TAPT1: variants seen among roughly 807,000 people sequenced by gnomAD.
The protein encoded by TAPT1 is transmembrane anterior posterior transformation 1, also known as transmembrane anterior posterior transformation protein 1 homolog.
In TAPT1, 28 loss-of-function variants were observed where a neutral mutation model predicts 65.6. That is an observed-to-expected ratio of 0.43 (90% CI 0.32 to 0.59). The LOEUF is 0.59. Among genes scored for constraint, TAPT1 ranks in the 20% least tolerant of loss-of-function variants. TAPT1 has a pLI of 0.09. For synonymous variants in TAPT1, 278 were observed against 245.2 expected (o/e 1.13, Z -1.25); for missense variants, 563 against 679.9 (o/e 0.83, Z 1.91).
chr4:16,214,277 G>A (rs1021207656), intron 1 of TAPT1, among the ~76,000 whole-genome samples: 13 of 152,132 alleles, frequency 8.5e-5, no homozygotes, highest in Admixed American at 5.9e-4. Flanking sequence ...TCAAAAGGGA[G>A]CAAAGTCACA....
At chr4:16,171,788 A>G (rs1285861616) in intron 11 of TAPT1, among the ~76,000 whole-genome samples, 1 of 152,228 alleles carries the variant, frequency 6.6e-6, no homozygotes, top group Admixed American at 6.5e-5. Context: ...AAGGCAAACC[A>G]ATGATCACAT....
At chr4:16,225,112 T>C (rs1199187046) in intron 1 of TAPT1, among the ~76,000 whole-genome samples, 14 of 152,226 alleles carry the variant, frequency 9.2e-5, no homozygotes, top group Admixed American at 9.2e-4. Flanking sequence ...AAATAAAGTA[T>C]GGTTGAGAAT....
rs1018180413 is a variant in TAPT1 at position 16,164,742 on chromosome 4, T to C, written c.1475-1205A>G. Among the ~76,000 whole-genome samples, 3 of 152,264 alleles carry C rather than the reference T, an allele frequency of 2.0e-5. No homozygotes were observed. In the East Asian group the frequency reaches 5.8e-4, roughly 29 times the overall value. On this transcript the variant is annotated intron_variant, in intron 13 of 13. Coordinates refer to ENST00000405303, the MANE Select transcript of TAPT1 (RefSeq NM_153365.3). ...TGCCACTATGCCTAGCCTAACTTCT[T>C]AACTAATATGCGTAACAAGAGAACA...
chr4:16,172,468 T>C (rs1411630176), intron 11 of TAPT1, among the ~76,000 whole-genome samples: 1 of 152,122 alleles, frequency 6.6e-6, no homozygotes, highest in African/African-American at 2.4e-5. Context: ...TATCAATCTC[T>C]TAAGCCTTTA....
rs370342190 is a variant in TAPT1 at position 16,196,232 on chromosome 4, G to A, written c.450-4709C>T. Among the ~76,000 whole-genome samples the A allele has an allele frequency of 2.6e-5, 4 of 152,046 alleles. No individual in the cohort carries two copies. The South Asian group carries it at 6.2e-4, about 24-fold the overall frequency. Reference sequence around the variant, plus strand: ...GTAACAGAAAAATAAATACTTAAACGGAATGATTCAAACCATTTCTTAAAC... The same window carrying A: ...GTAACAGAAAAATAAATACTTAAACAGAATGATTCAAACCATTTCTTAAAC... On this transcript the variant is annotated intron_variant, in intron 3 of 13. Coordinates refer to ENST00000405303, the MANE Select transcript of TAPT1 (RefSeq NM_153365.3).
intron 7 of TAPT1, among the ~76,000 whole-genome samples, chr4:16,183,619 G>A (rs997025475): frequency 6.6e-6 from 1 of 152,028 alleles, no homozygotes; most frequent in South Asian, 2.1e-4. Flanking sequence ...TAAGATCTGC[G>A]TGTCTAGTTT....
intron 1 of TAPT1, among the ~76,000 whole-genome samples, chr4:16,215,165 C>T (rs750043887): frequency 2.0e-5 from 3 of 152,042 alleles, no homozygotes; most frequent in Non-Finnish European, 4.4e-5. Flanking sequence ...CCGGTGGGCG[C>T]CTGTAGTCCC....
chr4:16,170,919 C>G (rs1242950946), intron 11 of TAPT1, among the ~76,000 whole-genome samples, 190 bp from the exon 12 acceptor site: 1 of 152,170 alleles, frequency 6.6e-6, no homozygotes, highest in Non-Finnish European at 1.5e-5. Context: ...CTTGTGAAAC[C>G]TTCTGTGGTA....
At chr4:16,181,020 T>G (rs977178445) in intron 7 of TAPT1, among the ~76,000 whole-genome samples, 1 of 152,230 alleles carries the variant, frequency 6.6e-6, no homozygotes, top group Non-Finnish European at 1.5e-5. Context: ...TGTTTTGATT[T>G]GTCTAGATCA....
In TAPT1 at chr4:16,163,535, G is replaced by A. The variant is rs1270219564; in HGVS notation, c.1477C>T (p.Leu493Phe). Residue 493 changes from leucine (L) to phenylalanine (F), a missense_variant and splice_region_variant, in exon 14 of 14, where the codon CTT (leucine) becomes TTT (phenylalanine). By Grantham distance (22) the Leu-to-Phe change is conservative. Transcript: ENST00000405303. The part of the protein sequence containing the change: ...SQNKCKPSQG[L>F]STEENLSASI... ...GCAGACAGGTTTTCTTCTGTGGAAA[G>A]GCCTGTGATAAAATAGATCCATTAA... 1 of 1,608,452 alleles carries A rather than the reference G, an allele frequency of 6.2e-7. No individual in the cohort carries two copies. Among genetic ancestry groups the A allele is most frequent in the South Asian group, 1.1e-5 (1 of 90,698 alleles).
chr4:16,210,674 C>T (rs1315671128), intron 2 of TAPT1, among the ~76,000 whole-genome samples: 3 of 152,194 alleles, frequency 2.0e-5, no homozygotes, highest in Non-Finnish European at 2.9e-5. Context: ...AGATGATCCC[C>T]TTAAACACTT....
chr4:16,224,954 T>C (rs1664188184), intron 1 of TAPT1, among the ~76,000 whole-genome samples: 1 of 152,250 alleles, frequency 6.6e-6, no homozygotes, highest in Admixed American at 6.5e-5. Context: ...TGGCTACATC[T>C]ATCTCTATTT....
chr4:16,163,240 T>A lies in TAPT1; in HGVS notation c.*68A>T. 9.2e-7 allele frequency: 1 copy of A among 1,082,714 alleles called. No individual in the cohort carries two copies. The highest frequency in any genetic ancestry group is 1.4e-6 in the Non-Finnish European group (1 of 705,310). 67.1% of individuals were successfully genotyped at this position (1,082,714 alleles called of 1,614,324 possible). ...ATATTTAAGTGCCATGTTTAGCATC[T>A]ATTTGTCCTGGCAACACAGCACTTG... On this transcript the variant is annotated 3_prime_UTR_variant, in exon 14 of 14. Transcript: ENST00000405303.
intron 3 of TAPT1, among the ~76,000 whole-genome samples, chr4:16,201,747 T>C (rs1750043906): frequency 1.3e-5 from 2 of 151,456 alleles, no homozygotes; most frequent in Non-Finnish European, 2.9e-5. Context: ...ATGAGCCAGG[T>C]ACTATGCTGG....
At chr4:16,225,803 TCTA>T in intron 1 of TAPT1, 1 of 848,932 alleles carries the variant, frequency 1.2e-6, no homozygotes, top group Non-Finnish European at 1.4e-6. Flanking sequence ...CTGTGAAAAA[TCTA>T]CTTGCAGGGC....
chr4:16,213,732 TC>T (rs1290204520), intron 2 of TAPT1, 35 bp downstream of exon 2: 1 of 1,510,194 alleles, frequency 6.6e-7, no homozygotes, highest in African/African-American at 1.4e-5. Context: ...GACATAACTT[TC>T]AAAATGATGT....
At position 16,160,905 on chromosome 4, in the gene TAPT1, G is replaced by GT. The variant is rs1270636471; in HGVS notation, c.*2402dup. 14 of 152,596 alleles carry GT rather than the reference G, an allele frequency of 9.2e-5. 1 individual carries two copies. Among genetic ancestry groups the GT allele is most frequent in the Admixed American group, 9.2e-4 (14 of 15,286 alleles). The allele number at this position is 152,596 out of a possible 1,614,324, so 9.5% of individuals were successfully genotyped here. A position where few individuals can be genotyped will look rare whatever the true frequency, so the allele number is the denominator to read the frequency against. On this transcript the variant is annotated 3_prime_UTR_variant, in exon 14 of 14. Transcript: ENST00000405303. The stretch of plus-strand genomic sequence containing the variant: ...AGTCCACAAGAAAATCTGGACAAGC[G>GT]TATCAGTGACACTTGGTCTTTACAC...
chr4:16,207,199 G>GT (rs1750397566), intron 2 of TAPT1, among the ~76,000 whole-genome samples: 2 of 152,196 alleles, frequency 1.3e-5, no homozygotes, highest in Non-Finnish European at 2.9e-5. Flanking sequence ...CTCTGAACAT[G>GT]TTTTTATGAA....
At chr4:16,174,543 A>T (rs1269668678) in intron 10 of TAPT1, 127 bp downstream of exon 10, 1 of 817,162 alleles carries the variant, frequency 1.2e-6, no homozygotes, top group Admixed American at 3.2e-5. Flanking sequence ...AGTGTTGAGA[A>T]TAGAGATCAG....
Sources: allele counts gnomAD v4.1 joint callset (sites outside exome capture counted in the v4.1 genomes callset), GRCh38; gene constraint gnomAD v4.1.1; transcripts MANE v1.5; gene names NCBI Gene and HGNC (gene_info 2026-07-23, HGNC 2026-07-21).